The following CACNB4 variants were observed in gnomAD, a reference collection of about 807,000 sequenced individuals.
The protein encoded by CACNB4 is calcium voltage-gated channel auxiliary subunit beta 4.
Under a neutral mutation model 71.2 loss-of-function variants are expected in CACNB4, and 32 were observed. That is an observed-to-expected ratio of 0.45 (90% CI 0.34 to 0.60). The LOEUF (loss-of-function observed/expected upper bound fraction) is 0.60, where lower values mean the gene tolerates loss of function less well. CACNB4 is among the 20% of genes least tolerant of loss of function. The pLI is 0.01. For synonymous variants in CACNB4, 231 were observed against 236.9 expected (o/e 0.97, Z 0.23); for missense variants, 464 against 647.9 (o/e 0.72, Z 3.08).
intron 2 of CACNB4, among the ~76,000 whole-genome samples, chr2:151,983,522 A>G (rs2099875078): frequency 6.6e-6 from 1 of 152,212 alleles, no homozygotes; most frequent in Admixed American, 6.5e-5. Context: ...ATTCATCTAC[A>G]TAGAAAACAG....
intron 4 of CACNB4, among the ~76,000 whole-genome samples, chr2:151,878,675 A>G (rs973005001): frequency 6.6e-6 from 1 of 151,856 alleles, no homozygotes; most frequent in African/African-American, 2.4e-5. Flanking sequence ...GTACTACACA[A>G]TTAGCTAGTA....
chr2:151,863,619 G>A (rs572177395), intron 9 of CACNB4, among the ~76,000 whole-genome samples: 1 of 152,208 alleles, frequency 6.6e-6, no homozygotes, highest in East Asian at 1.9e-4. Context: ...ACAAACAAGA[G>A]ACTCTTGGTT....
intron 2 of CACNB4, among the ~76,000 whole-genome samples, chr2:152,092,834 C>CAT (rs201127962): frequency 3.3e-4 from 49 of 150,522 alleles, no homozygotes; most frequent in African/African-American, 6.6e-4. Context: ...CATATATATA[C>CAT]ATATATATAT....
At chr2:151,853,141 C>T (rs1357181243) in intron 12 of CACNB4, 8 of 259,962 alleles carry the variant, frequency 3.1e-5, no homozygotes, top group Non-Finnish European at 2.2e-5. Context: ...TTTTCTTAAG[C>T]GTATCCATGT....
intron 2 of CACNB4, among the ~76,000 whole-genome samples, chr2:151,980,815 A>T (rs2099874589): frequency 6.6e-6 from 1 of 152,220 alleles, no homozygotes. Flanking sequence ...GAACTAAATA[A>T]TCTAGGTGTG....
chr2:151,860,514 C>T (rs962800256), intron 10 of CACNB4, 197 bp downstream of exon 10: 9 of 594,116 alleles, frequency 1.5e-5, no homozygotes, highest in African/African-American at 1.5e-4. Context: ...AGCTAATTGA[C>T]TAAAGCTGAG....
intron 5 of CACNB4, among the ~76,000 whole-genome samples, chr2:151,875,644 C>T (rs1050152193): frequency 7.2e-6 from 1 of 139,824 alleles, no homozygotes; most frequent in African/African-American, 2.9e-5. Flanking sequence ...ACCTCCCTCC[C>T]GGACGGGGCG....
intron 2 of CACNB4, among the ~76,000 whole-genome samples, chr2:152,072,546 T>C (rs912132868): frequency 6.6e-6 from 1 of 152,232 alleles, no homozygotes; most frequent in Non-Finnish European, 1.5e-5. Flanking sequence ...TAGTAATCTT[T>C]TAACATTATA....
chr2:152,052,314 T>C (rs557085761), intron 2 of CACNB4, among the ~76,000 whole-genome samples: 16 of 152,312 alleles, frequency 1.1e-4, no homozygotes, highest in African/African-American at 3.8e-4. Flanking sequence ...CTCTTTTTGT[T>C]TTTTGAGACA....
At chr2:151,915,892 G>T (rs1289093403) in intron 2 of CACNB4, among the ~76,000 whole-genome samples, 1 of 151,338 alleles carries the variant, frequency 6.6e-6, no homozygotes, top group Admixed American at 6.6e-5. Context: ...TCTGGGGTTG[G>T]GACGCTAGGC....
At chr2:151,986,938 C>T (rs186513084) in intron 2 of CACNB4, among the ~76,000 whole-genome samples, 142 of 152,172 alleles carry the variant, frequency 9.3e-4, no homozygotes, top group African/African-American at 3.3e-3. Flanking sequence ...CTCTCAGGTG[C>T]TCAAAGTGGT....
intron 5 of CACNB4, chr2:151,873,453 T>C (rs1442842596): frequency 2.0e-5 from 3 of 152,226 alleles, no homozygotes; most frequent in African/African-American, 4.8e-5. Flanking sequence ...ACATTCTGGA[T>C]TTCAGCTTTT....
intron 2 of CACNB4, among the ~76,000 whole-genome samples, chr2:152,015,737 G>A (rs1194898176): frequency 6.6e-6 from 1 of 152,220 alleles, no homozygotes; most frequent in Non-Finnish European, 1.5e-5. Context: ...GACAGAGAGA[G>A]CAACTACAGT....
intron 9 of CACNB4, among the ~76,000 whole-genome samples, chr2:151,864,294 A>G (rs1338101556): frequency 1.3e-5 from 2 of 152,162 alleles, no homozygotes; most frequent in Non-Finnish European, 1.5e-5. Flanking sequence ...ACTAGCAAAC[A>G]TCATTCCCTA....
At chr2:151,878,178 C>T (rs1006798257) in intron 4 of CACNB4, among the ~76,000 whole-genome samples, 16 of 150,810 alleles carry the variant, frequency 1.1e-4, no homozygotes, top group Admixed American at 4.6e-4. Flanking sequence ...CATAGAAAAG[C>T]GAAATTTATA....
At chr2:151,989,372 C>A (rs1193099951) in intron 2 of CACNB4, among the ~76,000 whole-genome samples, 1 of 152,184 alleles carries the variant, frequency 6.6e-6, no homozygotes, top group Non-Finnish European at 1.5e-5. Flanking sequence ...TGGCCTTTAT[C>A]TCTATCTCTG....
chr2:151,913,264 T>G (rs766857203), intron 2 of CACNB4, among the ~76,000 whole-genome samples: 3 of 152,222 alleles, frequency 2.0e-5, no homozygotes, highest in Non-Finnish European at 2.9e-5. Flanking sequence ...ATAATGTCAT[T>G]GGTCTTTATA....
chr2:151,869,521 C>T, intron 8 of CACNB4: 2 of 288,396 alleles, frequency 6.9e-6, no homozygotes, highest in Non-Finnish European at 1.3e-5. Context: ...GATAGAACTG[C>T]TGCCAGGAGA....
intron 2 of CACNB4, among the ~76,000 whole-genome samples, chr2:152,066,509 G>A (rs1686334103): frequency 6.6e-6 from 1 of 151,024 alleles, no homozygotes; most frequent in Non-Finnish European, 1.5e-5. Flanking sequence ...TGCTGGAGAG[G>A]ATGTGGAGAA....
Sources: gnomAD v4.1 joint callset for allele counts (sites outside exome capture counted in the v4.1 genomes callset) on GRCh38, gnomAD v4.1.1 for gene constraint, MANE v1.5 for transcripts, NCBI Gene and HGNC (gene_info 2026-07-23, HGNC 2026-07-21) for gene names.